The following CRY1 variants were observed in gnomAD, a reference collection of about 807,000 sequenced individuals.
CRY1 encodes the protein cryptochrome circadian regulator 1.
Under a neutral mutation model 76.0 loss-of-function variants are expected in CRY1, and 45 were observed. The observed-to-expected ratio is 0.59, with a 90% CI of 0.47 to 0.76. The LOEUF is 0.76. CRY1 is among the 30% of genes least tolerant of loss of function. The pLI is 0.00. For synonymous variants in CRY1, 248 were observed against 244.0 expected (o/e 1.02, Z -0.15); for missense variants, 587 against 716.4 (o/e 0.82, Z 2.06).
chr12:107,088,949 C>T (rs534280093), intron 1 of CRY1, among the ~76,000 whole-genome samples: 40 of 152,324 alleles, frequency 2.6e-4, no homozygotes, highest in African/African-American at 8.9e-4. Context: ...CTTCCTCTCT[C>T]TATACATTTG....
chr12:107,039,176 G>C (rs1010359152), intron 1 of CRY1, among the ~76,000 whole-genome samples: 1 of 151,958 alleles, frequency 6.6e-6, no homozygotes, highest in African/African-American at 2.4e-5. Context: ...CTATACACAA[G>C]AATCAGCTCA....
intron 1 of CRY1, among the ~76,000 whole-genome samples, chr12:107,067,962 T>C (rs1457837462): frequency 1.3e-5 from 2 of 152,214 alleles, no homozygotes; most frequent in African/African-American, 2.4e-5. Flanking sequence ...TATCTCTAGA[T>C]TGTTGTATTT....
rs1952255530 is a variant in CRY1 at position 106,998,186 on chromosome 12, A to G, written c.1138-120T>C. ...AAATCTAGCACAGAATTGTAAAATT[A>G]AACATTCCAAAGTTAGCTTCCCTAT... On this transcript the variant is annotated intron_variant, in intron 7 of 12. Coordinates refer to ENST00000008527, the MANE Select transcript of CRY1 (RefSeq NM_004075.5). The G allele has an allele frequency of 6.1e-6, 7 of 1,144,292 alleles. No homozygotes were observed. The Admixed American group carries it at 6.6e-5, about 11-fold the overall frequency. The allele number at this position is 1,144,292 out of a possible 1,614,324, so 70.9% of individuals were successfully genotyped here. A position where few individuals can be genotyped will look rare whatever the true frequency, so the allele number is the denominator to read the frequency against.
At chr12:107,023,311 T>C (rs1402419171) in intron 1 of CRY1, among the ~76,000 whole-genome samples, 2 of 152,214 alleles carry the variant, frequency 1.3e-5, no homozygotes, top group Non-Finnish European at 2.9e-5. Context: ...CATGTAGCCA[T>C]TTAAATTTAA....
At chr12:107,025,197 T>C (rs1952594852) in intron 1 of CRY1, among the ~76,000 whole-genome samples, 1 of 152,098 alleles carries the variant, frequency 6.6e-6, no homozygotes, top group Non-Finnish European at 1.5e-5. Flanking sequence ...AACAAACACA[T>C]TTTTTTAACT....
intron 2 of CRY1, among the ~76,000 whole-genome samples, chr12:107,015,806 A>AC (rs1952492597): frequency 6.6e-6 from 1 of 152,016 alleles, no homozygotes; most frequent in African/African-American, 2.4e-5. Context: ...TACCTCAGCC[A>AC]CTGGAGTAGC....
chr12:107,071,953 G>A (rs978346480), intron 1 of CRY1, among the ~76,000 whole-genome samples: 5 of 152,092 alleles, frequency 3.3e-5, no homozygotes, highest in African/African-American at 1.2e-4. Context: ...TCTAAGTCAG[G>A]AATTGTTTCA....
chr12:107,017,950 T>C (rs944089797), intron 2 of CRY1, among the ~76,000 whole-genome samples: 4 of 152,206 alleles, frequency 2.6e-5, no homozygotes, highest in African/African-American at 4.8e-5. Context: ...CCACCTGACA[T>C]TGCATGTTTA....
intron 1 of CRY1, among the ~76,000 whole-genome samples, chr12:107,068,818 T>C (rs1234246108): frequency 6.6e-6 from 1 of 152,210 alleles, no homozygotes; most frequent in African/African-American, 2.4e-5. Context: ...GTTCTGGATG[T>C]TTCATATAAA....
chr12:107,049,925 G>A (rs1383163848), intron 1 of CRY1: 1 of 152,108 alleles, frequency 6.6e-6, no homozygotes, highest in Non-Finnish European at 1.5e-5. Flanking sequence ...CTAGACATCT[G>A]CAATAGTAGA....
chr12:107,005,296 T>G (rs763714506), intron 2 of CRY1, 48 bp from the exon 3 acceptor site: 1 of 1,531,768 alleles, frequency 6.5e-7, no homozygotes, highest in Non-Finnish European at 8.8e-7. Context: ...TAATAGTTAT[T>G]TTTTCTATTA....
intron 1 of CRY1, among the ~76,000 whole-genome samples, chr12:107,086,199 T>C (rs1228159976): frequency 6.6e-6 from 1 of 152,160 alleles, no homozygotes; most frequent in Non-Finnish European, 1.5e-5. Context: ...TGGCTGCTTC[T>C]AACAGCCTAC....
At chr12:107,016,801 T>C (rs1249606876) in intron 2 of CRY1, among the ~76,000 whole-genome samples, 2 of 152,200 alleles carry the variant, frequency 1.3e-5, no homozygotes, top group Non-Finnish European at 2.9e-5. Context: ...TGTTCCTCCA[T>C]AGTCTGTTAT....
intron 3 of CRY1, among the ~76,000 whole-genome samples, chr12:107,004,822 C>A (rs1447909080): frequency 4.6e-5 from 7 of 152,080 alleles, no homozygotes; most frequent in Non-Finnish European, 7.4e-5. Flanking sequence ...TAAGAGTAGT[C>A]AAGGAAAATT....
chr12:106,999,532 T>C lies in CRY1; in HGVS notation c.1137+19A>G, dbSNP rs369476862. ...GATTCCTTCAAAATAAGGCATGCTA[T>C]ATCAGTTAGAACACTTACCTTCATT... is the stretch of plus-strand genomic sequence containing the variant. On this transcript the variant is annotated intron_variant, in intron 7 of 12. Coordinates refer to ENST00000008527, the MANE Select transcript of CRY1 (RefSeq NM_004075.5). 3 of 1,582,684 alleles carry C rather than the reference T, an allele frequency of 1.9e-6. No homozygotes were observed. The highest frequency in any genetic ancestry group is 2.2e-5 in the East Asian group (1 of 44,670).
chr12:107,030,625 A>C (rs990899573), intron 1 of CRY1, among the ~76,000 whole-genome samples: 3 of 152,220 alleles, frequency 2.0e-5, no homozygotes, highest in Non-Finnish European at 4.4e-5. Flanking sequence ...AAGGCAGGAA[A>C]GCATAATCTT....
intron 10 of CRY1, among the ~76,000 whole-genome samples, chr12:106,993,341 G>C (rs1187374382): frequency 6.6e-6 from 1 of 151,714 alleles, no homozygotes; most frequent in Non-Finnish European, 1.5e-5. Context: ...GCAAGAGTGA[G>C]ATAGACATTC....
chr12:107,022,257 CAA>C (rs764747266), intron 1 of CRY1, 65 bp from the exon 2 acceptor site: 113 of 976,822 alleles, frequency 1.2e-4, no homozygotes, highest in Admixed American at 4.4e-4. Flanking sequence ...TAAATTATTA[CAA>C]AGTCATGTTA....
At chr12:106,994,960 T>C (rs1173970374) in intron 10 of CRY1, among the ~76,000 whole-genome samples, 1 of 152,258 alleles carries the variant, frequency 6.6e-6, no homozygotes, top group Non-Finnish European at 1.5e-5. Flanking sequence ...CACTGGCAAC[T>C]GTCGACTGCT....
Sources: gnomAD v4.1 joint callset for allele counts (sites outside exome capture counted in the v4.1 genomes callset) on GRCh38, gnomAD v4.1.1 for gene constraint, MANE v1.5 for transcripts, NCBI Gene and HGNC (gene_info 2026-07-23, HGNC 2026-07-21) for gene names.